STK32B: variants seen among roughly 807,000 people sequenced by gnomAD.
STK32B encodes serine/threonine kinase 32B, also known as serine/threonine-protein kinase 32B.
A neutral mutation model predicts 52.6 loss-of-function variants in STK32B; 43 were observed. That is an observed-to-expected ratio of 0.82 (90% CI 0.64 to 1.05). The LOEUF (loss-of-function observed/expected upper bound fraction) is 1.05. Ranked by LOEUF, STK32B falls within the 50% of genes least tolerant of loss-of-function variation. STK32B has a pLI of 0.00. For synonymous variants in STK32B, 238 were observed against 204.3 expected (o/e 1.17, Z -1.41); for missense variants, 621 against 534.6 (o/e 1.16, Z -1.59).
Position 5,223,878 on chromosome 4 carries a change from T to G in STK32B, c.260+55428T>G, listed in dbSNP as rs138208824. On this transcript the variant is annotated intron_variant, in intron 3 of 11. Coordinates refer to ENST00000282908, the MANE Select transcript of STK32B (RefSeq NM_018401.3). ...CTTTAAGACTTAATGTTGTTTACCT[T>G]TTGGGTTTTGGACTTACTGAGACCT... is the stretch of plus-strand genomic sequence containing the variant. Among the ~76,000 whole-genome samples the G allele has an allele frequency of 8.5e-5, 13 of 152,206 alleles. No homozygotes were observed. In the East Asian group the frequency reaches 2.5e-3, roughly 29 times the overall value.
At chr4:5,244,167 C>G (rs559515669) in intron 3 of STK32B, among the ~76,000 whole-genome samples, 2 of 152,104 alleles carry the variant, frequency 1.3e-5, no homozygotes, top group East Asian at 3.9e-4. Flanking sequence ...CCAGTTCCTC[C>G]GTGTACCTCT....
At chr4:5,154,879 G>A (rs1295772017) in intron 2 of STK32B, among the ~76,000 whole-genome samples, 1 of 152,188 alleles carries the variant, frequency 6.6e-6, no homozygotes, top group Non-Finnish European at 1.5e-5. Flanking sequence ...CTAGACAGCA[G>A]CCAGGGATGT....
intron 1 of STK32B, among the ~76,000 whole-genome samples, chr4:5,076,209 C>T (rs1180806396): frequency 6.6e-6 from 1 of 152,176 alleles, no homozygotes; most frequent in Non-Finnish European, 1.5e-5. Context: ...GAGTCGATGG[C>T]ATCCATGTGA....
intron 3 of STK32B, among the ~76,000 whole-genome samples, chr4:5,238,676 C>T (rs1436201975): frequency 6.6e-6 from 1 of 152,090 alleles, no homozygotes; most frequent in Non-Finnish European, 1.5e-5. Flanking sequence ...TAAAATTTAG[C>T]CGTGAAAAAT....
rs539687288 is a variant in STK32B, at chr4:5,064,817, T to A, written c.52+12902T>A. ...TATATACTTATGTTGTATACATATA[T>A]AATATATAAATATATAATATATAAA... On this transcript the variant is annotated intron_variant, in intron 1 of 11. Coordinates refer to ENST00000282908, the MANE Select transcript of STK32B (RefSeq NM_018401.3). Among the ~76,000 whole-genome samples the A allele has an allele frequency of 4.4e-3, 617 of 140,104 alleles. 17 individuals carry two copies. The highest frequency in any genetic ancestry group is 0.015 in the African/African-American group (577 of 38,134). 91.9% of individuals were successfully genotyped at this position (140,104 alleles called of 152,430 possible).
the STK32B span, among the ~76,000 whole-genome samples, chr4:5,041,357 G>T: frequency 6.6e-6 from 1 of 152,100 alleles, no homozygotes; most frequent in Non-Finnish European, 1.5e-5. Flanking sequence ...AGAATACAAT[G>T]AAATACATTG....
rs114598687 is a variant in STK32B at position 5,055,580 on chromosome 4, C to A, written c.52+3665C>A. Among the ~76,000 whole-genome samples, 630 of 152,278 alleles carry A rather than the reference C, an allele frequency of 4.1e-3. 9 individuals carry two copies. The highest frequency in any genetic ancestry group is 0.014 in the African/African-American group (602 of 41,550). ...TCCCTCCAGCCCTAGGCACAACTTG[C>A]ATCGTTAAGAAAATAAAAGCTGAAG... is the stretch of plus-strand genomic sequence containing the variant. On this transcript the variant is annotated intron_variant, in intron 1 of 11. Transcript: ENST00000282908.
At chr4:5,248,797 G>A (rs1432897307) in intron 3 of STK32B, among the ~76,000 whole-genome samples, 1 of 152,100 alleles carries the variant, frequency 6.6e-6, no homozygotes, top group African/African-American at 2.4e-5. Context: ...AAGCTGGAAA[G>A]CATAATTCTC....
intron 3 of STK32B, among the ~76,000 whole-genome samples, chr4:5,289,488 AATAAATAT>A (rs1728751149): frequency 1.3e-5 from 2 of 152,106 alleles, no homozygotes; most frequent in Non-Finnish European, 2.9e-5. Context: ...TCTCCCAGCC[AATAAATAT>A]ATAAATATAT....
intron 3 of STK32B, among the ~76,000 whole-genome samples, chr4:5,329,660 C>T (rs1732102256): frequency 6.6e-6 from 1 of 152,200 alleles, no homozygotes; most frequent in South Asian, 2.1e-4. Flanking sequence ...GTTTCTTTGT[C>T]CCAGTGTCCC....
At chr4:5,079,119 T>TTTGTA (rs1443556500) in intron 1 of STK32B, among the ~76,000 whole-genome samples, 1 of 152,186 alleles carries the variant, frequency 6.6e-6, no homozygotes, top group African/African-American at 2.4e-5. Context: ...TGCATTACAT[T>TTTGTA]TTGTATTGCC....
At chr4:5,267,365 C>G (rs1727121609) in intron 3 of STK32B, among the ~76,000 whole-genome samples, 1 of 152,058 alleles carries the variant, frequency 6.6e-6, no homozygotes, top group Non-Finnish European at 1.5e-5. Flanking sequence ...ATGCTTTTAC[C>G]TGCCCCTCCC....
At chr4:5,153,110 A>G (rs79823984) in intron 2 of STK32B, among the ~76,000 whole-genome samples, 2,612 of 152,328 alleles carry the variant, frequency 0.017, 74 homozygotes, top group African/African-American at 0.059. Context: ...TCCCAGATAC[A>G]GAAGTGACGT....
At chr4:5,087,762 T>G (rs1267059463) in intron 1 of STK32B, among the ~76,000 whole-genome samples, 1 of 151,784 alleles carries the variant, frequency 6.6e-6, no homozygotes, top group East Asian at 1.9e-4. Flanking sequence ...TTACAAATAT[T>G]TATGGATCTC....
chr4:5,102,698 AT>A (rs201057520), intron 1 of STK32B, among the ~76,000 whole-genome samples: 6,563 of 144,912 alleles, frequency 0.045, 271 homozygotes, highest in East Asian at 0.23. Flanking sequence ...TACCTGGCTA[AT>A]TTTTTTTTTT....
intron 1 of STK32B, among the ~76,000 whole-genome samples, chr4:5,057,668 A>G (rs953592787): frequency 1.1e-4 from 17 of 152,224 alleles, no homozygotes; most frequent in Non-Finnish European, 2.4e-4. Flanking sequence ...AAATGCCTCA[A>G]GAGATAAAGG....
At chr4:5,455,144 G>A (rs1716382276) in intron 7 of STK32B, among the ~76,000 whole-genome samples, 1 of 150,858 alleles carries the variant, frequency 6.6e-6, no homozygotes, top group Non-Finnish European at 1.5e-5. Flanking sequence ...TCTTCTCCAG[G>A]GCCTCCTGTT....
intron 3 of STK32B, among the ~76,000 whole-genome samples, chr4:5,318,887 C>T (rs1731294437): frequency 6.6e-6 from 1 of 151,934 alleles, no homozygotes; most frequent in South Asian, 2.1e-4. Flanking sequence ...GCAAGCTCTG[C>T]CCCCTGGGTT....
At chr4:5,322,686 C>G (rs140911539) in intron 3 of STK32B, among the ~76,000 whole-genome samples, 3 of 152,310 alleles carry the variant, frequency 2.0e-5, no homozygotes, top group Non-Finnish European at 4.4e-5. Context: ...CTCTTCCTTT[C>G]CCTTTCCAGC....
Sources: allele counts gnomAD v4.1 joint callset (sites outside exome capture counted in the v4.1 genomes callset), GRCh38; gene constraint gnomAD v4.1.1; transcripts MANE v1.5; gene names NCBI Gene and HGNC (gene_info 2026-07-23, HGNC 2026-07-21).